The following FRMPD4 variants were observed in gnomAD, a reference collection of about 807,000 sequenced individuals.
FRMPD4 encodes FERM and PDZ domain containing 4, also known as FERM and PDZ domain-containing protein 4.
Under a neutral mutation model 94.1 loss-of-function variants are expected in FRMPD4, and 22 were observed. The ratio of observed to expected loss-of-function variants is 0.23; its 90% CI spans 0.17 to 0.33. FRMPD4 has a LOEUF of 0.33. FRMPD4 is among the 10% of genes least tolerant of loss of function. The probability of loss-of-function intolerance (pLI) is 1.00; values close to 1 mark genes in which losing one functional copy is unlikely to be tolerated. For synonymous variants in FRMPD4, 631 were observed against 548.6 expected, an observed-to-expected ratio of 1.15 and a Z score of -2.10; for missense variants, 1,111 against 1,339.9, an observed-to-expected ratio of 0.83 and a Z score of 2.67.
At chrX:12,030,403 A>T (rs2054684782) in intron 3 of FRMPD4, among the ~76,000 whole-genome samples, 1 of 112,108 alleles carries the variant, frequency 8.9e-6, no homozygotes, top group South Asian at 3.7e-4. Flanking sequence ...GTCCTCTTCT[A>T]ATAGCTTTTT....
intron 3 of FRMPD4, among the ~76,000 whole-genome samples, chrX:12,029,405 A>G (rs1162657586): frequency 8.9e-6 from 1 of 112,021 alleles, no homozygotes; most frequent in Non-Finnish European, 1.9e-5. Context: ...ATTTTCTACC[A>G]GTCAGTGGCA....
intron 2 of FRMPD4, among the ~76,000 whole-genome samples, chrX:12,584,886 T>C (rs1030761602): frequency 8.9e-6 from 1 of 112,136 alleles, no homozygotes; most frequent in African/African-American, 3.2e-5. Context: ...CATGCTAAAG[T>C]ATGTGGAGTG....
intron 11 of FRMPD4, 28 bp downstream of exon 11, chrX:12,704,513 T>C: frequency 9.6e-7 from 1 of 1,039,664 alleles, no homozygotes; most frequent in Non-Finnish European, 1.3e-6. Flanking sequence ...TAAAAGAAAA[T>C]TATAAAGAGA....
chrX:12,094,928 A>G (rs948670062), intron 3 of FRMPD4, among the ~76,000 whole-genome samples: 2 of 111,652 alleles, frequency 1.8e-5, no homozygotes, highest in Admixed American at 9.5e-5. Context: ...TCATATATGT[A>G]TTTTACCCAA....
chrX:12,718,254 G>T lies in FRMPD4; in HGVS notation c.3428G>T (p.Gly1143Val), dbSNP rs200831430. ...APDGETSDGS[G>V]LGQGDRFLTD... ...GATGGAGAAACCAGTGATGGCTCAGGACTTGGTCAAGGGGACCGCTTCTTA... is the reference window on the plus strand; with the variant it reads ...GATGGAGAAACCAGTGATGGCTCAGTACTTGGTCAAGGGGACCGCTTCTTA... Residue 1143 changes from glycine to valine, a missense_variant, in exon 16 of 17, where the codon GGA becomes GTA. Around this residue, in one of 8 missense-constraint regions of FRMPD4, gnomAD observed 551 missense variants for 591.6 expected, o/e 0.93. Transcript: ENST00000675598. The T allele has an allele frequency of 1.9e-5, 23 of 1,210,256 alleles. No homozygotes were observed. In the East Asian group the frequency reaches 6.8e-4, roughly 36 times the overall value.
At chrX:11,914,573 T>G (rs931003684) in intron 3 of FRMPD4, among the ~76,000 whole-genome samples, 3 of 111,982 alleles carry the variant, frequency 2.7e-5, no homozygotes, top group Non-Finnish European at 5.6e-5. Flanking sequence ...AACCAACTGG[T>G]GTCCTGTTGT....
intron 5 of FRMPD4, among the ~76,000 whole-genome samples, chrX:12,675,129 A>G (rs2059885247): frequency 8.9e-6 from 1 of 112,438 alleles, no homozygotes; most frequent in South Asian, 3.7e-4. Context: ...AAGTTCTTGA[A>G]AGACAACCAG....
At chrX:12,297,132 T>A (rs1316109256) in intron 1 of FRMPD4, among the ~76,000 whole-genome samples, 2 of 112,649 alleles carry the variant, frequency 1.8e-5, no homozygotes, top group Non-Finnish European at 3.8e-5. Flanking sequence ...GGAACTAAGC[T>A]AAGTGATAAA....
At chrX:12,295,976 C>T (rs1364631257) in intron 1 of FRMPD4, among the ~76,000 whole-genome samples, 1 of 110,795 alleles carries the variant, frequency 9.0e-6, no homozygotes, top group Non-Finnish European at 1.9e-5. Context: ...TTAGAGCAAG[C>T]CCTATTTACT....
chrX:12,196,943 T>C (rs940863108), intron 1 of FRMPD4, among the ~76,000 whole-genome samples: 10 of 111,185 alleles, frequency 9.0e-5, no homozygotes, highest in Non-Finnish European at 1.9e-4. Flanking sequence ...GCCTCTTTAA[T>C]TTTCAATGAA....
At chrX:12,397,666 A>T (rs2056559937) in intron 1 of FRMPD4, among the ~76,000 whole-genome samples, 1 of 111,513 alleles carries the variant, frequency 9.0e-6, no homozygotes, top group Admixed American at 9.5e-5. Flanking sequence ...TAGGAGAGAC[A>T]TCAGGGGCCT....
intron 1 of FRMPD4, among the ~76,000 whole-genome samples, chrX:12,289,024 T>C (rs2054645372): frequency 8.9e-6 from 1 of 111,854 alleles, no homozygotes; most frequent in Non-Finnish European, 1.9e-5. Context: ...TCCCTTGTTT[T>C]CTGAGTAAAT....
chrX:11,930,050 C>T (rs762172949), intron 3 of FRMPD4, among the ~76,000 whole-genome samples: 1 of 87,965 alleles, frequency 1.1e-5, no homozygotes, highest in Non-Finnish European at 2.1e-5. Flanking sequence ...GGAGCTTATA[C>T]TGAGCCGAGA....
chrX:12,372,099 C>T (rs1034300037), intron 1 of FRMPD4, among the ~76,000 whole-genome samples: 1 of 112,418 alleles, frequency 8.9e-6, no homozygotes, highest in Admixed American at 9.4e-5. Flanking sequence ...ACCAGCCCTG[C>T]TCCTCTGCAG....
At chrX:12,216,272 C>T (rs74572201) in intron 1 of FRMPD4, among the ~76,000 whole-genome samples, 2 of 111,569 alleles carry the variant, frequency 1.8e-5, no homozygotes, top group Admixed American at 1.9e-4. Flanking sequence ...CATCGCTTCA[C>T]TCCCTAGCTC....
chrX:12,169,492 C>T (rs2056183729), intron 1 of FRMPD4, among the ~76,000 whole-genome samples: 1 of 111,497 alleles, frequency 9.0e-6, no homozygotes, highest in Non-Finnish European at 1.9e-5. Flanking sequence ...AATTGTCCTG[C>T]AGGTCAAATC....
chrX:12,324,605 T>C (rs2055257795), intron 1 of FRMPD4, among the ~76,000 whole-genome samples: 1 of 112,134 alleles, frequency 8.9e-6, no homozygotes, highest in African/African-American at 3.2e-5. Flanking sequence ...TAATTTTTTC[T>C]GATTTTCTTG....
chrX:12,611,152 C>A (rs2148419971), intron 3 of FRMPD4, among the ~76,000 whole-genome samples: 1 of 112,347 alleles, frequency 8.9e-6, no homozygotes, highest in Admixed American at 9.4e-5. Flanking sequence ...CTGAAGTGGG[C>A]TGCCTTTACC....
intron 1 of FRMPD4, among the ~76,000 whole-genome samples, chrX:11,844,474 C>T (rs892429865): frequency 1.8e-5 from 2 of 111,321 alleles, no homozygotes; most frequent in Non-Finnish European, 3.8e-5. Flanking sequence ...TTGACTGGAC[C>T]ATGAGGTGCC....
Sources: gnomAD v4.1 joint callset for allele counts (sites outside exome capture counted in the v4.1 genomes callset) on GRCh38, gnomAD v4.1.1 for gene constraint, gnomAD v4.1.1 regional missense constraint, MANE v1.5 for transcripts, NCBI Gene and HGNC (gene_info 2026-07-23, HGNC 2026-07-21) for gene names.